The following TBPL2 variants were observed in gnomAD, a reference collection of about 807,000 sequenced individuals.
The protein encoded by TBPL2 is TATA-box binding protein like 2.
Under a neutral mutation model 38.2 loss-of-function variants are expected in TBPL2, and 40 were observed. The observed-to-expected ratio is 1.05, with a 90% CI of 0.81 to 1.36. TBPL2 has a LOEUF of 1.36. TBPL2 is among the 40% of genes most tolerant of loss of function. TBPL2 has a pLI of 0.00. For synonymous variants in TBPL2, 169 were observed against 171.7 expected (o/e 0.98, Z 0.12); for missense variants, 461 against 456.7 (o/e 1.01, Z -0.09).
At chr14:55,421,060 C>CAAAAAAAA (rs71131263) in intron 6 of TBPL2, among the ~76,000 whole-genome samples, 4 of 107,536 alleles carry the variant, frequency 3.7e-5, no homozygotes, top group Admixed American at 1.1e-4. Context: ...GAATCTGTCT[C>CAAAAAAAA]AAAAAAAAAA....
chr14:55,429,766 CAAAAAAA>C (rs71131266), intron 4 of TBPL2, among the ~76,000 whole-genome samples: 578 of 52,404 alleles, frequency 0.011, 6 homozygotes, highest in African/African-American at 0.05. Context: ...AACTCCGTCT[CAAAAAAA>C]AAAAAAAAAA....
At chr14:55,423,235 C>A (rs904666892) in intron 6 of TBPL2, among the ~76,000 whole-genome samples, 1 of 152,126 alleles carries the variant, frequency 6.6e-6, no homozygotes, top group Non-Finnish European at 1.5e-5. Context: ...TCTTTGGTAC[C>A]ATTTTGTTTG....
At chr14:55,415,212 A>G (rs996988923) in intron 6 of TBPL2, among the ~76,000 whole-genome samples, 2 of 152,232 alleles carry the variant, frequency 1.3e-5, no homozygotes, top group African/African-American at 4.8e-5. Context: ...TCAGGACACT[A>G]ATCAGTTAAT....
intron 5 of TBPL2, 112 bp downstream of exon 5, chr14:55,428,695 C>T (rs542258264): frequency 2.4e-5 from 28 of 1,165,354 alleles, no homozygotes; most frequent in African/African-American, 3.1e-5. Flanking sequence ...TTGTGTCCCC[C>T]GCCTTTTTTT....
At chr14:55,431,908 C>A (rs1417747099) in intron 4 of TBPL2, among the ~76,000 whole-genome samples, 2 of 152,146 alleles carry the variant, frequency 1.3e-5, no homozygotes, top group African/African-American at 4.8e-5. Context: ...TAGAACATTT[C>A]CATCTAGAGA....
intron 6 of TBPL2, among the ~76,000 whole-genome samples, chr14:55,418,441 G>A (rs1031602225): frequency 6.6e-6 from 1 of 152,172 alleles, no homozygotes; most frequent in African/African-American, 2.4e-5. Flanking sequence ...TGCCACAGTC[G>A]TGTGTGTATA....
chr14:55,422,609 TG>T (rs1303451594), intron 6 of TBPL2, among the ~76,000 whole-genome samples: 1 of 152,096 alleles, frequency 6.6e-6, no homozygotes, highest in African/African-American at 2.4e-5. Context: ...CCCAGCACTT[TG>T]AGAGGCCAAG....
chr14:55,422,666 A>G (rs1014405756), intron 6 of TBPL2, among the ~76,000 whole-genome samples: 5 of 152,088 alleles, frequency 3.3e-5, no homozygotes, highest in African/African-American at 1.2e-4. Flanking sequence ...AGCCTAGCCA[A>G]TTTGGCAAAA....
chr14:55,432,568 T>C (rs562449154), intron 4 of TBPL2, among the ~76,000 whole-genome samples: 1 of 152,098 alleles, frequency 6.6e-6, no homozygotes, highest in Non-Finnish European at 1.5e-5. Context: ...ACTGAGCAAA[T>C]GACATAGCAA....
intron 6 of TBPL2, among the ~76,000 whole-genome samples, chr14:55,419,934 A>G (rs1885717609): frequency 6.6e-6 from 1 of 152,226 alleles, no homozygotes; most frequent in Non-Finnish European, 1.5e-5. Flanking sequence ...ATCTCTGTAG[A>G]GTACCCAGTT....
At chr14:55,429,122 C>G in intron 4 of TBPL2, 148 bp from the exon 5 acceptor site, 1 of 946,116 alleles carries the variant, frequency 1.1e-6, no homozygotes, top group Non-Finnish European at 1.5e-6. Context: ...ACTTACTTCC[C>G]ATACTTTCGT....
intron 1 of TBPL2, among the ~76,000 whole-genome samples, chr14:55,438,380 C>T: frequency 6.6e-6 from 1 of 152,176 alleles, no homozygotes; most frequent in East Asian, 1.9e-4. Context: ...ATTATGAATA[C>T]ATGATACGCT....
intron 1 of TBPL2, 35 bp from the exon 2 acceptor site, chr14:55,437,053 AACAG>A: frequency 6.4e-7 from 1 of 1,558,248 alleles, no homozygotes; most frequent in South Asian, 1.1e-5. Context: ...ACAAAAACAC[AACAG>A]ACAGAACAGC....
intron 6 of TBPL2, among the ~76,000 whole-genome samples, chr14:55,415,949 A>G (rs1484511986): frequency 2.0e-5 from 3 of 152,222 alleles, no homozygotes; most frequent in Admixed American, 6.5e-5. Flanking sequence ...AACATATAGC[A>G]TGTTTCTTAG....
intron 4 of TBPL2, among the ~76,000 whole-genome samples, chr14:55,429,285 G>T (rs1166785545): frequency 6.6e-6 from 1 of 152,238 alleles, no homozygotes; most frequent in African/African-American, 2.4e-5. Flanking sequence ...CGCAAAGTGT[G>T]TCCCCAGACC....
chr14:55,439,503 C>CG (rs111325379), intron 1 of TBPL2, among the ~76,000 whole-genome samples: 77,572 of 149,388 alleles, frequency 0.52, 20,303 homozygotes, highest in East Asian at 0.65. Context: ...TAGAACCAGG[C>CG]GGGGGGCCAG....
intron 4 of TBPL2, among the ~76,000 whole-genome samples, chr14:55,431,333 T>A (rs948398430): frequency 6.6e-6 from 1 of 152,226 alleles, no homozygotes; most frequent in African/African-American, 2.4e-5. Context: ...AAGACACTCA[T>A]GAATGTGTGT....
At chr14:55,431,504 A>G (rs1885924901) in intron 4 of TBPL2, among the ~76,000 whole-genome samples, 1 of 152,216 alleles carries the variant, frequency 6.6e-6, no homozygotes, top group Non-Finnish European at 1.5e-5. Context: ...ATGACTTCAA[A>G]TTGAAACCCT....
chr14:55,414,518 T>C, intron 6 of TBPL2, 63 bp from the exon 7 acceptor site: 1 of 1,191,682 alleles, frequency 8.4e-7, no homozygotes, highest in South Asian at 1.5e-5. Context: ...ACTTAAACAC[T>C]AAAATTTCAT....
Sources: allele counts gnomAD v4.1 joint callset (sites outside exome capture counted in the v4.1 genomes callset), GRCh38; gene constraint gnomAD v4.1.1; transcripts MANE v1.5; gene names NCBI Gene and HGNC (gene_info 2026-07-23, HGNC 2026-07-21).